Variants in OTUD7A observed in about 807,000 individuals in gnomAD.
OTUD7A encodes OTU domain-containing protein 7A.
Under a neutral mutation model 65.7 loss-of-function variants are expected in OTUD7A, and 12 were observed. The observed-to-expected ratio is 0.18, with a 90% CI of 0.12 to 0.30. The LOEUF (loss-of-function observed/expected upper bound fraction) is 0.30, where lower values mean the gene tolerates loss of function less well. Among genes scored for constraint, OTUD7A ranks in the 10% least tolerant of loss-of-function variants. The pLI is 1.00. For missense variants in OTUD7A, 1,148 were observed against 1,304.8 expected (o/e 0.88, Z 1.85); for synonymous variants, 641 against 586.3 (o/e 1.09, Z -1.35).
chr15:31,539,483 C>T (rs1887919300), intron 5 of OTUD7A, among the ~76,000 whole-genome samples: 1 of 152,088 alleles, frequency 6.6e-6, no homozygotes, highest in African/African-American at 2.4e-5. Flanking sequence ...TTAAAATATC[C>T]ATTTTCATGA....
rs936974970 is a variant in OTUD7A, at chr15:31,478,699, A to C, written c.*4595T>G. On this transcript the variant is annotated 3_prime_UTR_variant, in exon 13 of 13. Transcript: ENST00000307050. Reference sequence around the variant, plus strand: ...TCTGCTGGGGGTGCAGTGGGGAGGAATAATAGATCTTTTGGCAAAGAAGGG... The same window carrying C: ...TCTGCTGGGGGTGCAGTGGGGAGGACTAATAGATCTTTTGGCAAAGAAGGG... 1.3e-5 allele frequency: 2 copies of C among 152,186 alleles called. No homozygotes were observed. Among genetic ancestry groups the C allele is most frequent in the Non-Finnish European group, 1.5e-5 (1 of 68,066 alleles). The allele number at this position is 152,186 out of a possible 1,614,324, so 9.4% of individuals were successfully genotyped here. A position where few individuals can be genotyped will look rare whatever the true frequency, so the allele number is the denominator to read the frequency against.
chr15:31,760,159 C>T (rs1894923037), intron 1 of OTUD7A, among the ~76,000 whole-genome samples: 2 of 152,142 alleles, frequency 1.3e-5, no homozygotes, highest in South Asian at 4.1e-4. Flanking sequence ...TTGATCTTCC[C>T]TATCATTATT....
chr15:31,651,834 A>G (rs1891847155), intron 3 of OTUD7A, among the ~76,000 whole-genome samples: 1 of 152,180 alleles, frequency 6.6e-6, no homozygotes, highest in South Asian at 2.1e-4. Context: ...TGTTGACGAA[A>G]GAACTTAATG....
At chr15:31,500,226 A>G (rs1424225907) in intron 10 of OTUD7A, among the ~76,000 whole-genome samples, 1 of 152,244 alleles carries the variant, frequency 6.6e-6, no homozygotes, top group Non-Finnish European at 1.5e-5. Context: ...AGGTGCAGGC[A>G]TTCCGCATTC....
In OTUD7A at chr15:31,480,718, C is replaced by T. The variant is rs1165971682; in HGVS notation, c.*2576G>A. ...ATTTAATATGACCATCCGCTCTCTC[C>T]CTTTTGCATTTTTAATACTGTTTAG... On this transcript the variant is annotated 3_prime_UTR_variant, in exon 13 of 13. Transcript: ENST00000307050. 6.6e-6 allele frequency: 1 copy of T among 152,256 alleles called. No individual in the cohort carries two copies. The highest frequency in any genetic ancestry group is 1.5e-5 in the Non-Finnish European group (1 of 68,048). The allele number at this position is 152,256 out of a possible 1,614,324, so 9.4% of individuals were successfully genotyped here. A position where few individuals can be genotyped will look rare whatever the true frequency, so the allele number is the denominator to read the frequency against.
chr15:31,709,090 A>T (rs2654067), intron 1 of OTUD7A, among the ~76,000 whole-genome samples: 1 of 151,024 alleles, frequency 6.6e-6, no homozygotes, highest in Admixed American at 6.5e-5. Context: ...GAGGGAGAGA[A>T]AACACAGGCC....
chr15:31,866,957 A>G (rs945160001), intron 1 of OTUD7A, among the ~76,000 whole-genome samples: 1 of 152,188 alleles, frequency 6.6e-6, no homozygotes, highest in African/African-American at 2.4e-5. Flanking sequence ...CATCTGTGAA[A>G]CTTCTTTCCT....
intron 1 of OTUD7A, among the ~76,000 whole-genome samples, chr15:31,675,503 C>G (rs1892577684): frequency 6.6e-6 from 1 of 152,160 alleles, no homozygotes; most frequent in Non-Finnish European, 1.5e-5. Flanking sequence ...TTCATTATAC[C>G]ACGTTGAAAC....
chr15:31,798,180 G>A (rs78788140), intron 1 of OTUD7A, among the ~76,000 whole-genome samples: 1 of 152,040 alleles, frequency 6.6e-6, no homozygotes, highest in Non-Finnish European at 1.5e-5. Flanking sequence ...ATTGGGTAAC[G>A]TTAGGACATC....
chr15:31,833,852 TG>T (rs1452250487), intron 1 of OTUD7A, among the ~76,000 whole-genome samples: 2 of 152,206 alleles, frequency 1.3e-5, no homozygotes, highest in Non-Finnish European at 1.5e-5. Context: ...ATCATAAACT[TG>T]GGAATACTGG....
At chr15:31,805,046 C>G (rs1308440904) in intron 1 of OTUD7A, among the ~76,000 whole-genome samples, 1 of 152,230 alleles carries the variant, frequency 6.6e-6, no homozygotes, top group Non-Finnish European at 1.5e-5. Flanking sequence ...GGCCAGGCAT[C>G]TTGAACAAAG....
chr15:31,810,167 C>T (rs779882187), intron 1 of OTUD7A, among the ~76,000 whole-genome samples: 40 of 152,032 alleles, frequency 2.6e-4, no homozygotes, highest in South Asian at 4.1e-4. Flanking sequence ...CACAGCAGCC[C>T]AGCACACTCA....
At chr15:31,775,142 C>G (rs1895343953) in intron 1 of OTUD7A, among the ~76,000 whole-genome samples, 1 of 151,642 alleles carries the variant, frequency 6.6e-6, no homozygotes, top group South Asian at 2.1e-4. Context: ...CAACACTTAC[C>G]CATTCCAAAG....
intron 1 of OTUD7A, among the ~76,000 whole-genome samples, chr15:31,830,443 G>A (rs1180383998): frequency 6.6e-6 from 1 of 152,240 alleles, no homozygotes; most frequent in Non-Finnish European, 1.5e-5. Flanking sequence ...ATCTGTGTCT[G>A]ACAATGACCT....
chr15:31,566,060 C>T (rs918654227), intron 4 of OTUD7A, among the ~76,000 whole-genome samples: 87 of 151,964 alleles, frequency 5.7e-4, no homozygotes, highest in Middle Eastern at 6.8e-3. Context: ...GGCGTGGTGG[C>T]GGGTGCCTGT....
intron 3 of OTUD7A, among the ~76,000 whole-genome samples, chr15:31,579,054 C>T (rs1158411432): frequency 6.6e-6 from 1 of 152,014 alleles, no homozygotes. Flanking sequence ...GAAAAAGCCC[C>T]AAAGAGAATC....
In OTUD7A at chr15:31,651,559, G is replaced by T. The variant is rs71476550; in HGVS notation, c.151+3537C>A. 4.1e-3 allele frequency among the ~76,000 whole-genome samples: 601 copies of T among 146,238 alleles called. 2 individuals carry two copies. The highest frequency in any genetic ancestry group is 8.3e-3 in the Admixed American group (120 of 14,412). ...CACAGATAACATGATCACCTATGTAGAAAATCCCAAGGAACACACACACAC... is the reference window on the plus strand; with the variant it reads ...CACAGATAACATGATCACCTATGTATAAAATCCCAAGGAACACACACACAC... On this transcript the variant is annotated intron_variant, in intron 3 of 12. Coordinates refer to ENST00000307050, the MANE Select transcript of OTUD7A (RefSeq NM_001382637.1).
chr15:31,636,462 C>A (rs13379664), intron 3 of OTUD7A, among the ~76,000 whole-genome samples: 5,503 of 152,180 alleles, frequency 0.036, 354 homozygotes, highest in African/African-American at 0.13. Flanking sequence ...TCTCCTGTCT[C>A]CCTCTCCTCA....
chr15:31,677,431 C>A (rs1892618612), intron 1 of OTUD7A, among the ~76,000 whole-genome samples: 1 of 152,036 alleles, frequency 6.6e-6, no homozygotes, highest in Non-Finnish European at 1.5e-5. Flanking sequence ...GGCTGTGTCC[C>A]CACCCAAAAT....
Sources: gnomAD v4.1 joint callset for allele counts (sites outside exome capture counted in the v4.1 genomes callset) on GRCh38, gnomAD v4.1.1 for gene constraint, MANE v1.5 for transcripts, NCBI Gene and HGNC (gene_info 2026-07-23, HGNC 2026-07-21) for gene names.